The following NSDHL variants were observed in gnomAD, a reference collection of about 807,000 sequenced individuals.
NSDHL encodes the protein sterol-4-alpha-carboxylate 3-dehydrogenase, decarboxylating.
A neutral mutation model predicts 23.0 loss-of-function variants in NSDHL; 1 was observed. That is an observed-to-expected ratio of 0.04 (90% CI 0.02 to 0.21). The LOEUF is 0.21. NSDHL is among the 10% of genes least tolerant of loss of function. The pLI is 1.00. For synonymous variants in NSDHL, 128 were observed against 121.1 expected, an observed-to-expected ratio of 1.06 and a Z score of -0.37; for missense variants, 237 against 300.9, an observed-to-expected ratio of 0.79 and a Z score of 1.57.
intron 1 of NSDHL, among the ~76,000 whole-genome samples, chrX:152,839,496 G>A (rs1341025000): frequency 8.9e-6 from 1 of 111,881 alleles, no homozygotes; most frequent in African/African-American, 3.3e-5. Context: ...CAGGCCTGGT[G>A]GTGACAAAAT....
chrX:152,854,183 G>T (rs1392055419), intron 3 of NSDHL, among the ~76,000 whole-genome samples: 2 of 111,451 alleles, frequency 1.8e-5, no homozygotes, highest in African/African-American at 6.5e-5. Flanking sequence ...GAACCCTCCA[G>T]CATGCCATGT....
At chrX:152,852,738 C>T (rs1303609119) in intron 3 of NSDHL, among the ~76,000 whole-genome samples, 2 of 111,011 alleles carry the variant, frequency 1.8e-5, no homozygotes, top group South Asian at 7.7e-4. Flanking sequence ...CTGCTGTTCC[C>T]GAGGACGCCT....
chrX:152,835,123 G>C (rs782059079), intron 1 of NSDHL, among the ~76,000 whole-genome samples: 1 of 111,253 alleles, frequency 9.0e-6, no homozygotes, highest in East Asian at 2.8e-4. Flanking sequence ...CTCTCTTCTC[G>C]CTTCACATGA....
intron 4 of NSDHL, among the ~76,000 whole-genome samples, 182 bp from the exon 5 acceptor site, chrX:152,862,414 G>A (rs183631630): frequency 3.6e-5 from 4 of 112,388 alleles, no homozygotes; most frequent in South Asian, 3.7e-4. Context: ...TGCAAAAGAT[G>A]GTGATCTTTG....
At chrX:152,846,089 G>A (rs1440192556) in intron 1 of NSDHL, among the ~76,000 whole-genome samples, 193 bp from the exon 2 acceptor site, 1 of 113,030 alleles carries the variant, frequency 8.8e-6, no homozygotes, top group East Asian at 2.8e-4. Flanking sequence ...CGTTGGCCCC[G>A]TTAGCCGGGC....
Position 152,869,146 on chromosome X carries a change from C to T in NSDHL, c.*30C>T, listed in dbSNP as rs781924147. The stretch of plus-strand genomic sequence containing the variant: ...CACTGGAGGCTGGGCTCTCTCGACA[C>T]GTTGCTCAGCCAGTCACTCCTTCCC... On this transcript the variant is annotated 3_prime_UTR_variant, in exon 8 of 8. Coordinates refer to ENST00000370274, the MANE Select transcript of NSDHL (RefSeq NM_015922.3). 2.5e-5 allele frequency: 27 copies of T among 1,094,946 alleles called. No individual in the cohort carries two copies. The highest frequency in any genetic ancestry group is 4.4e-5 in the Admixed American group (2 of 45,346). 90.2% of individuals were successfully genotyped at this position (1,094,946 alleles called of 1,213,427 possible). A position where few individuals can be genotyped will look rare whatever the true frequency, so the allele number is the denominator to read the frequency against.
rs782019458 is a variant in NSDHL, at chrX:152,846,740, C to G, written c.108+308C>G. Among the ~76,000 whole-genome samples, 3 of 112,241 alleles carry G rather than the reference C, an allele frequency of 2.7e-5. No homozygotes were observed. In the Admixed American group the frequency reaches 2.8e-4, roughly 11 times the overall value. ...GGGGACCCCTTGAAGCATATGCTCC[C>G]AGGTGGCCTTGCTCACACCTCTGGT... is the stretch of plus-strand genomic sequence containing the variant. On this transcript the variant is annotated intron_variant, in intron 2 of 7. Coordinates refer to ENST00000370274, the MANE Select transcript of NSDHL (RefSeq NM_015922.3).
chrX:152,832,868 G>C, intron 1 of NSDHL, among the ~76,000 whole-genome samples: 1 of 111,599 alleles, frequency 9.0e-6, no homozygotes, highest in East Asian at 2.8e-4. Context: ...TGTTGAGCAG[G>C]TCTTCAGGCA....
intron 1 of NSDHL, among the ~76,000 whole-genome samples, chrX:152,835,344 G>A (rs1487866631): frequency 9.3e-6 from 1 of 107,274 alleles, no homozygotes. Flanking sequence ...GGGTACATGT[G>A]CACAACATGC....
At chrX:152,855,752 A>G (rs782750067) in intron 3 of NSDHL, among the ~76,000 whole-genome samples, 8 of 111,745 alleles carry the variant, frequency 7.2e-5, no homozygotes, top group African/African-American at 2.6e-4. Flanking sequence ...TTTCACCTAT[A>G]TTCCTCCTCA....
chrX:152,847,820 T>C (rs1027085040), intron 2 of NSDHL, among the ~76,000 whole-genome samples: 42 of 110,738 alleles, frequency 3.8e-4, no homozygotes, highest in African/African-American at 1.4e-3. Context: ...TTCTGTTATC[T>C]CAAGATTCTA....
Position 152,859,057 on chromosome X carries a change from C to T in NSDHL, c.414+141C>T, listed in dbSNP as rs1933487691. The T allele has an allele frequency of 3.6e-5, 17 of 473,327 alleles. No homozygotes were observed. The South Asian group carries it at 5.8e-4, about 16-fold the overall frequency. The allele number at this position is 473,327 out of a possible 1,213,427, so 39.0% of individuals were successfully genotyped here. ...TTGGGAAGATCTTAGAAATGAAGCC[C>T]TTGGAGTCACTGGAGATGGTGAAGG... On this transcript the variant is annotated intron_variant, in intron 4 of 7. Coordinates refer to ENST00000370274, the MANE Select transcript of NSDHL (RefSeq NM_015922.3).
chrX:152,860,585 C>G (rs1217070630), intron 4 of NSDHL, among the ~76,000 whole-genome samples: 1 of 111,236 alleles, frequency 9.0e-6, no homozygotes, highest in African/African-American at 3.3e-5. Flanking sequence ...TGGTGGTATG[C>G]ACCTGTAGCC....
intron 1 of NSDHL, among the ~76,000 whole-genome samples, chrX:152,846,022 T>A (rs1181055727): frequency 2.7e-5 from 3 of 112,851 alleles, no homozygotes; most frequent in African/African-American, 9.7e-5. Flanking sequence ...AGTGAGCTGA[T>A]TTAACTGGCC....
At chrX:152,858,631 T>A in intron 3 of NSDHL, 139 bp from the exon 4 acceptor site, 5 of 520,707 alleles carry the variant, frequency 9.6e-6, no homozygotes, top group Non-Finnish European at 1.7e-5. Context: ...TTGATTCTTT[T>A]ATGAGAATGT....
rs782482139 is a variant in NSDHL, at chrX:152,869,026, A to G, written c.1032A>G (p.Lys344=). The G allele has an allele frequency of 8.3e-7, 1 of 1,211,889 alleles. No individual in the cohort carries two copies. The highest frequency in any genetic ancestry group is 1.1e-6 in the Non-Finnish European group (1 of 895,460). ...ACTACTACAGCTGCGAGAGAGCCAA[A>G]AAGGCCATGGGCTACCAGCCACTAG... ...TFHYYSCERA[K]KAMGYQPLVT... is the part of the protein sequence containing the mutation. The change falls in exon 8 of 8, where the codon AAA becomes AAG. Residue 344 remains lysine, a synonymous_variant. Transcript: ENST00000370274.
At chrX:152,849,553 A>G (rs1024227557) in intron 2 of NSDHL, among the ~76,000 whole-genome samples, 4 of 112,659 alleles carry the variant, frequency 3.6e-5, no homozygotes, top group African/African-American at 1.3e-4. Context: ...TGTGTTGTGG[A>G]GGCTGAGACA....
chrX:152,852,683 C>T (rs1933376407), intron 3 of NSDHL, among the ~76,000 whole-genome samples: 1 of 111,169 alleles, frequency 9.0e-6, no homozygotes, highest in South Asian at 3.8e-4. Context: ...CACCAAGCAC[C>T]ATCTCCACAA....
chrX:152,867,779 G>C, intron 7 of NSDHL, 106 bp downstream of exon 7: 1 of 603,631 alleles, frequency 1.7e-6, no homozygotes. Flanking sequence ...TATCATGGAG[G>C]ATCTGCCTTA....
Sources: allele counts gnomAD v4.1 joint callset (sites outside exome capture counted in the v4.1 genomes callset), GRCh38; gene constraint gnomAD v4.1.1; transcripts MANE v1.5; gene names NCBI Gene and HGNC (gene_info 2026-07-23, HGNC 2026-07-21).